ASXL2: variants seen among roughly 807,000 people sequenced by gnomAD.
ASXL2 encodes ASXL transcriptional regulator 2.
Under a neutral mutation model 122.0 loss-of-function variants are expected in ASXL2, and 23 were observed. The ratio of observed to expected loss-of-function variants is 0.19; its 90% CI spans 0.14 to 0.27. The LOEUF (loss-of-function observed/expected upper bound fraction) is 0.27, where lower values mean the gene tolerates loss of function less well. Ranked by LOEUF, ASXL2 falls within the 10% of genes least tolerant of loss-of-function variation. The pLI is 1.00. For synonymous variants in ASXL2, 650 were observed against 637.0 expected (o/e 1.02, Z -0.31); for missense variants, 1,518 against 1,713.8 (o/e 0.89, Z 2.02).
chr2:25,767,842 C>T lies in ASXL2; in HGVS notation c.632-116G>A, dbSNP rs535048542. On this transcript the variant is annotated intron_variant, in intron 7 of 12. Coordinates refer to ENST00000435504, the MANE Select transcript of ASXL2 (RefSeq NM_018263.6). ...TATGTATGAGGCAATGTGACCCTCC[C>T]TAATGTGTTTTGAGTTTGAAAATTA... 5 of 1,186,740 alleles carry T rather than the reference C, an allele frequency of 4.2e-6. No individual in the cohort carries two copies. The East Asian group carries it at 9.7e-5, about 23-fold the overall frequency. The allele number at this position is 1,186,740 out of a possible 1,614,324, so 73.5% of individuals were successfully genotyped here. A position where few individuals can be genotyped will look rare whatever the true frequency, so the allele number is the denominator to read the frequency against.
At chr2:25,860,205 G>T (rs1181208491) in intron 1 of ASXL2, among the ~76,000 whole-genome samples, 2 of 152,092 alleles carry the variant, frequency 1.3e-5, no homozygotes, top group Admixed American at 6.6e-5. Flanking sequence ...CAGCTACTCC[G>T]GAGGCTAAGG....
In ASXL2 at chr2:25,742,594, T is replaced by C; in HGVS notation, c.3743A>G (p.Tyr1248Cys). 1 of 1,613,982 alleles carries C rather than the reference T, an allele frequency of 6.2e-7. No individual in the cohort carries two copies. Among genetic ancestry groups the C allele is most frequent in the Non-Finnish European group, 8.5e-7 (1 of 1,179,888 alleles). ...NEQTTLSKEN[Y>C]LFTRGQTFDE... is the part of the protein sequence containing the mutation. ...AAATGTTTGGCCTCTAGTGAACAGG[T>C]AATTCTCCTTACTTAAAGTGGTTTG... The change falls in exon 13 of 13, where the codon TAC (tyrosine) becomes TGC (cysteine). Residue 1248 changes from tyrosine (Y) to cysteine (C), a missense_variant. By Grantham distance (194) the Tyr-to-Cys change is radical. Around this residue, in one of 8 missense-constraint regions of ASXL2, gnomAD observed 831 missense variants for 833.1 expected, o/e 1.00. Transcript: ENST00000435504.
intron 5 of ASXL2, among the ~76,000 whole-genome samples, chr2:25,797,565 A>C (rs971819657): frequency 4.6e-5 from 7 of 152,276 alleles, no homozygotes; most frequent in African/African-American, 1.7e-4. Context: ...ACCTGATTTT[A>C]AAATAAGTCA....
At chr2:25,863,648 G>C (rs777796863) in intron 1 of ASXL2, among the ~76,000 whole-genome samples, 17 of 151,198 alleles carry the variant, frequency 1.1e-4, no homozygotes, top group African/African-American at 4.1e-4. Context: ...AGCCGAGATC[G>C]CGCCACTGCA....
chr2:25,835,972 G>A (rs2089506022), intron 2 of ASXL2, among the ~76,000 whole-genome samples: 1 of 152,166 alleles, frequency 6.6e-6, no homozygotes, highest in South Asian at 2.1e-4. Flanking sequence ...GAGCTCTTAT[G>A]GATCTGAATT....
intron 5 of ASXL2, among the ~76,000 whole-genome samples, chr2:25,786,583 G>C (rs1321513802): frequency 6.6e-6 from 1 of 152,086 alleles, no homozygotes; most frequent in East Asian, 1.9e-4. Context: ...CTGGGTATTG[G>C]TGGCTCACGC....
intron 3 of ASXL2, among the ~76,000 whole-genome samples, chr2:25,821,636 T>G (rs191074446): frequency 6.6e-6 from 1 of 152,176 alleles, no homozygotes; most frequent in African/African-American, 2.4e-5. Context: ...ATATTTTCTA[T>G]GAACACGTAT....
intron 1 of ASXL2, among the ~76,000 whole-genome samples, chr2:25,867,540 AAG>A (rs1394367785): frequency 6.6e-6 from 1 of 152,188 alleles, no homozygotes; most frequent in Admixed American, 6.5e-5. Flanking sequence ...AAGACGACAA[AAG>A]AAAGTTTTAT....
rs1265699651 is a variant in ASXL2, at chr2:25,735,913, A to G, written c.*6116T>C. 1.3e-5 allele frequency: 2 copies of G among 152,174 alleles called. No homozygotes were observed. The highest frequency in any genetic ancestry group is 1.3e-4 in the Admixed American group (2 of 15,266). The allele number at this position is 152,174 out of a possible 1,614,324, so 9.4% of individuals were successfully genotyped here. ...AACACTTCCATTTCATAACTCATTT[A>G]AATTTTCAACCTATCTTGGGAAAAA... On this transcript the variant is annotated 3_prime_UTR_variant, in exon 13 of 13. Coordinates refer to ENST00000435504, the MANE Select transcript of ASXL2 (RefSeq NM_018263.6).
intron 5 of ASXL2, among the ~76,000 whole-genome samples, chr2:25,772,903 A>C (rs546198974): frequency 6.6e-6 from 1 of 152,134 alleles, no homozygotes; most frequent in Non-Finnish European, 1.5e-5. Flanking sequence ...AGAAGATAGC[A>C]TCAAACAATT....
In ASXL2 at chr2:25,741,199, A is replaced by G. The variant is rs970605802; in HGVS notation, c.*830T>C. 6 of 223,794 alleles carry G rather than the reference A, an allele frequency of 2.7e-5. No individual in the cohort carries two copies. Among genetic ancestry groups the G allele is most frequent in the East Asian group, 6.5e-5 (1 of 15,402 alleles). The allele number at this position is 223,794 out of a possible 1,614,324, so 13.9% of individuals were successfully genotyped here. The stretch of plus-strand genomic sequence containing the variant: ...ACCACGAATGACTAAGTGCGGGGAT[A>G]GGGTATTTTTGCTGGAATTGTTGCA... On this transcript the variant is annotated 3_prime_UTR_variant, in exon 13 of 13. Coordinates refer to ENST00000435504, the MANE Select transcript of ASXL2 (RefSeq NM_018263.6).
At chr2:25,820,134 T>C (rs1448435082) in intron 3 of ASXL2, among the ~76,000 whole-genome samples, 3 of 152,266 alleles carry the variant, frequency 2.0e-5, no homozygotes, top group East Asian at 3.9e-4. Flanking sequence ...CAGGTTGGTC[T>C]TGAACTCCTG....
At chr2:25,856,363 CTTTTTTTTT>C (rs70950127) in intron 1 of ASXL2, 83 of 235,900 alleles carry the variant, frequency 3.5e-4, no homozygotes, top group African/African-American at 3.0e-3. Flanking sequence ...CTGGCCTATA[CTTTTTTTTT>C]TTTTTTTTTT....
intron 2 of ASXL2, among the ~76,000 whole-genome samples, chr2:25,842,523 T>G (rs1346399594): frequency 6.6e-6 from 1 of 152,094 alleles, no homozygotes; most frequent in East Asian, 1.9e-4. Context: ...CATGGTAAGT[T>G]TAAAGTCCCA....
chr2:25,789,637 C>G (rs2088800890), intron 5 of ASXL2, among the ~76,000 whole-genome samples: 1 of 152,024 alleles, frequency 6.6e-6, no homozygotes, highest in African/African-American at 2.4e-5. Flanking sequence ...TGCCCAAAAT[C>G]AGAAAATTTT....
chr2:25,872,105 T>C (rs2149204417), intron 1 of ASXL2, among the ~76,000 whole-genome samples: 1 of 152,194 alleles, frequency 6.6e-6, no homozygotes, highest in South Asian at 2.1e-4. Context: ...CTACATAAAT[T>C]AAAAATTAGC....
chr2:25,742,230 A>T lies in ASXL2; in HGVS notation c.4107T>A (p.Ala1369=), dbSNP rs751241845. 2.5e-6 allele frequency: 4 copies of T among 1,614,028 alleles called. No homozygotes were observed. In the East Asian group the frequency reaches 6.7e-5, roughly 27 times the overall value. ...GGCTGCTGGGATTCATAGCTTGGCT[A>T]GCAGGGATGGTAGTGACAGTCACTG... ...SFSVTVTTIP[A]SQAMNPSSHG... Residue 1369 remains alanine, a synonymous_variant, in exon 13 of 13, where the codon GCT becomes GCA. Transcript: ENST00000435504.
At chr2:25,825,936 G>C (rs1291956140) in intron 3 of ASXL2, among the ~76,000 whole-genome samples, 1 of 152,140 alleles carries the variant, frequency 6.6e-6, no homozygotes, top group Non-Finnish European at 1.5e-5. Context: ...CGGTTGACAA[G>C]GGAGCTCCAT....
At chr2:25,813,867 G>A (rs913648846) in intron 3 of ASXL2, among the ~76,000 whole-genome samples, 2 of 152,088 alleles carry the variant, frequency 1.3e-5, no homozygotes, top group African/African-American at 2.4e-5. Flanking sequence ...TGGCTAACAC[G>A]GTGAAACCCT....
Sources: allele counts gnomAD v4.1 joint callset (sites outside exome capture counted in the v4.1 genomes callset), GRCh38; gene constraint gnomAD v4.1.1; regional missense constraint gnomAD v4.1.1; transcripts MANE v1.5; gene names NCBI Gene and HGNC (gene_info 2026-07-23, HGNC 2026-07-21).